Variants in RBFOX1 observed in about 807,000 individuals in gnomAD.
RBFOX1 encodes the protein RNA binding fox-1 homolog 1, also known as RNA binding protein fox-1 homolog 1.
In RBFOX1, 8 loss-of-function variants were observed where a neutral mutation model predicts 57.7. The observed-to-expected ratio is 0.14, with a 90% CI of 0.08 to 0.25. The LOEUF (loss-of-function observed/expected upper bound fraction) is 0.25. RBFOX1 is among the 10% of genes least tolerant of loss of function. The pLI, the probability that RBFOX1 is intolerant of heterozygous loss-of-function variation, is 1.00. For missense variants in RBFOX1, 611 were observed against 548.5 expected (o/e 1.11, Z -1.14); for synonymous variants, 326 against 222.4 (o/e 1.47, Z -4.15).
At chr16:7,478,306 A>G (rs73500376) in intron 4 of RBFOX1, among the ~76,000 whole-genome samples, 10 of 152,200 alleles carry the variant, frequency 6.6e-5, no homozygotes, top group Non-Finnish European at 1.0e-4. Context: ...ACCTTGTTCA[A>G]ATAGCTAAAA....
At chr16:5,493,628 G>A (rs2042906983) in intron 2 of RBFOX1, among the ~76,000 whole-genome samples, 1 of 152,226 alleles carries the variant, frequency 6.6e-6, no homozygotes, top group Non-Finnish European at 1.5e-5. Context: ...AGCTGAGAGT[G>A]AATGACAATA....
chr16:6,347,616 G>A (rs985081193), intron 2 of RBFOX1, among the ~76,000 whole-genome samples: 6 of 152,128 alleles, frequency 3.9e-5, no homozygotes, highest in African/African-American at 1.4e-4. Context: ...GAGACGGTTG[G>A]GTGAAGGAGA....
At chr16:6,643,177 A>G (rs948598984) in intron 2 of RBFOX1, among the ~76,000 whole-genome samples, 7 of 152,212 alleles carry the variant, frequency 4.6e-5, no homozygotes, top group African/African-American at 1.4e-4. Context: ...AGGCACAGAA[A>G]GATTGAGAAA....
intron 3 of RBFOX1, among the ~76,000 whole-genome samples, chr16:6,937,969 A>G (rs1448913310): frequency 2.0e-5 from 2 of 99,156 alleles, no homozygotes; most frequent in African/African-American, 4.1e-5. Context: ...GGAGAGGTCC[A>G]TTTAGATGGG....
chr16:5,909,585 A>T (rs2058560834), intron 4 of RBFOX1, among the ~76,000 whole-genome samples: 1 of 152,180 alleles, frequency 6.6e-6, no homozygotes, highest in Non-Finnish European at 1.5e-5. Context: ...AATCTCTCTT[A>T]TCCTGAGTAT....
intron 1 of RBFOX1, among the ~76,000 whole-genome samples, chr16:6,110,165 C>T (rs1276654694): frequency 6.9e-6 from 1 of 145,456 alleles, no homozygotes; most frequent in Admixed American, 6.9e-5. Context: ...GTTTTTCACT[C>T]TAATTTTTGG....
intron 2 of RBFOX1, among the ~76,000 whole-genome samples, chr16:6,646,907 T>G (rs1414990539): frequency 6.6e-6 from 1 of 152,166 alleles, no homozygotes; most frequent in African/African-American, 2.4e-5. Flanking sequence ...AAAAGGAAGA[T>G]ACCGCGTGTA....
chr16:6,548,118 G>T (rs1230582463), intron 2 of RBFOX1, among the ~76,000 whole-genome samples: 1 of 152,156 alleles, frequency 6.6e-6, no homozygotes, highest in East Asian at 1.9e-4. Context: ...CATACTGAAG[G>T]CTGGTTTACA....
intron 4 of RBFOX1, among the ~76,000 whole-genome samples, chr16:7,401,230 C>G (rs2098237490): frequency 6.6e-6 from 1 of 152,164 alleles, no homozygotes; most frequent in African/African-American, 2.4e-5. Context: ...ACCATTCTCT[C>G]TGTGAAAGAA....
chr16:7,310,676 A>G (rs541440399), intron 4 of RBFOX1, among the ~76,000 whole-genome samples: 32 of 152,230 alleles, frequency 2.1e-4, no homozygotes, highest in Admixed American at 8.5e-4. Flanking sequence ...TAACTTACAT[A>G]TTAAACATAG....
intron 4 of RBFOX1, among the ~76,000 whole-genome samples, chr16:7,423,802 A>T (rs2098573551): frequency 6.6e-6 from 1 of 152,076 alleles, no homozygotes; most frequent in African/African-American, 2.4e-5. Flanking sequence ...CCTCTCTGCA[A>T]ATCTCTCCCC....
intron 2 of RBFOX1, among the ~76,000 whole-genome samples, chr16:6,462,598 T>C (rs1342596410): frequency 6.6e-6 from 1 of 152,194 alleles, no homozygotes; most frequent in Non-Finnish European, 1.5e-5. Context: ...CGTATTTCTT[T>C]CATTTTGGTA....
intron 5 of RBFOX1, among the ~76,000 whole-genome samples, chr16:7,574,915 G>A (rs967639883): frequency 6.6e-6 from 1 of 152,126 alleles, no homozygotes; most frequent in Admixed American, 6.5e-5. Context: ...GGTGGAGGAC[G>A]CATTGCCTCC....
chr16:6,769,089 A>G (rs7191864), intron 3 of RBFOX1, among the ~76,000 whole-genome samples: 4,886 of 152,186 alleles, frequency 0.032, 273 homozygotes, highest in African/African-American at 0.11. Context: ...CCCAAATCTC[A>G]TCTTGAATTC....
chr16:6,709,509 A>G (rs1304460379), intron 3 of RBFOX1, among the ~76,000 whole-genome samples: 2 of 152,254 alleles, frequency 1.3e-5, no homozygotes, highest in Admixed American at 6.5e-5. Flanking sequence ...CTGTTGCAGC[A>G]GCATTTTCTC....
intron 14 of RBFOX1, among the ~76,000 whole-genome samples, chr16:7,697,618 GT>G (rs1479106531): frequency 6.6e-6 from 1 of 152,042 alleles, no homozygotes; most frequent in East Asian, 1.9e-4. Flanking sequence ...ATTTTGGAAA[GT>G]GAAAAAAACA....
intron 4 of RBFOX1, among the ~76,000 whole-genome samples, chr16:7,156,464 T>C: frequency 6.6e-6 from 1 of 152,108 alleles, no homozygotes; most frequent in East Asian, 1.9e-4. Flanking sequence ...TACATATACA[T>C]GCACATATAC....
intron 4 of RBFOX1, among the ~76,000 whole-genome samples, chr16:5,993,960 T>C (rs2060449560): frequency 6.6e-6 from 1 of 152,204 alleles, no homozygotes; most frequent in South Asian, 2.1e-4. Flanking sequence ...AGCACTTTGC[T>C]GCTGGGGATG....
chr16:6,763,208 G>T (rs1361696996), intron 3 of RBFOX1, among the ~76,000 whole-genome samples: 1 of 152,182 alleles, frequency 6.6e-6, no homozygotes, highest in Non-Finnish European at 1.5e-5. Flanking sequence ...TCAAGTGGAA[G>T]ATGTTCAATA....
Sources: allele counts gnomAD v4.1 joint callset (sites outside exome capture counted in the v4.1 genomes callset), GRCh38; gene constraint gnomAD v4.1.1; transcripts MANE v1.5; gene names NCBI Gene and HGNC (gene_info 2026-07-23, HGNC 2026-07-21).